Variants in CMPK2 observed in about 807,000 individuals in gnomAD.
CMPK2 encodes the protein UMP-CMP kinase 2, mitochondrial.
CMPK2 carries 32 observed loss-of-function variants against 33.4 expected under a neutral mutation model. The ratio of observed to expected loss-of-function variants is 0.96; its 90% CI spans 0.72 to 1.29. CMPK2 has a LOEUF of 1.29. Among genes scored for constraint, CMPK2 ranks in the 50% most tolerant of loss-of-function variants. The pLI is 0.00. For missense variants in CMPK2, 672 were observed against 616.0 expected (o/e 1.09, Z -0.96); for synonymous variants, 299 against 275.3 (o/e 1.09, Z -0.85).
chr2:6,861,472 C>A (rs1335486708), intron 2 of CMPK2, 87 bp from the exon 3 acceptor site: 2 of 959,978 alleles, frequency 2.1e-6, no homozygotes, highest in Non-Finnish European at 3.2e-6. Context: ...TTCTCTCAAA[C>A]TGCAAATGAA....
chr2:6,866,426 C>T (rs1296779532), upstream of CMPK2: 1 of 985,230 alleles, frequency 1.0e-6, no homozygotes, highest in Non-Finnish European at 1.2e-6. Context: ...ACACACTCAC[C>T]TGTGCACAAG....
In CMPK2 at chr2:6,849,544, C is replaced by A; in HGVS notation, c.*306G>T. 1 of 1,119,086 alleles carries A rather than the reference C, an allele frequency of 8.9e-7. No individual in the cohort carries two copies. Among genetic ancestry groups the A allele is most frequent in the Non-Finnish European group, 1.1e-6 (1 of 913,862 alleles). 69.3% of individuals were successfully genotyped at this position (1,119,086 alleles called of 1,614,324 possible). A position where few individuals can be genotyped will look rare whatever the true frequency, so the allele number is the denominator to read the frequency against. Reference sequence around the variant, plus strand: ...TACACCTGGTGCTGTCTGAGTAAGACAGGTCTTCCAGATATTTGGTAGTGA... The same window carrying A: ...TACACCTGGTGCTGTCTGAGTAAGAAAGGTCTTCCAGATATTTGGTAGTGA... On this transcript the variant is annotated 3_prime_UTR_variant, in exon 5 of 5. Coordinates refer to ENST00000256722, the MANE Select transcript of CMPK2 (RefSeq NM_207315.4).
chr2:6,840,758 G>T, intron 3 of CMPK2: 1 of 683,292 alleles, frequency 1.5e-6, no homozygotes, highest in Non-Finnish European at 2.7e-6. Context: ...CTAGTTCTTG[G>T]GGTTGGAATT....
At position 6,851,617 on chromosome 2, in the gene CMPK2, G is replaced by T. The variant is rs1268266555; in HGVS notation, c.1059C>A (p.Pro353=). The T allele has an allele frequency of 6.2e-7, 1 of 1,614,150 alleles. No individual in the cohort carries two copies. The highest frequency in any genetic ancestry group is 1.7e-5 in the Admixed American group (1 of 60,028). ...ACTGGTACACAGGGTGATGGGCTGGGGGCAGGTGCTGGAGACCCCCACTCA... is the reference window on the plus strand; with the variant it reads ...ACTGGTACACAGGGTGATGGGCTGGTGGCAGGTGCTGGAGACCCCCACTCA... ...TEVSGGLQHL[P]PAHHPVYQWP... is the part of the protein sequence containing the mutation. The change falls in exon 4 of 5, where the codon CCC becomes CCA. Residue 353 remains proline (P), a synonymous_variant. Coordinates refer to ENST00000256722, the MANE Select transcript of CMPK2 (RefSeq NM_207315.4).
intron 3 of CMPK2, among the ~76,000 whole-genome samples, chr2:6,857,274 A>G (rs1662732977): frequency 6.7e-6 from 1 of 149,702 alleles, no homozygotes; most frequent in Admixed American, 6.6e-5. Flanking sequence ...TCTTTCTTAT[A>G]GTATTTTTAA....
rs1213826547 is a variant in CMPK2 at position 6,849,787 on chromosome 2, TG to T, written c.*62del. The T allele has an allele frequency of 1.9e-6, 3 of 1,603,902 alleles. No homozygotes were observed. Among genetic ancestry groups the T allele is most frequent in the Non-Finnish European group, 2.5e-6 (3 of 1,177,052 alleles). ...AAATTTGGGAACACTGCATAACAAA[TG>T]GTGGATGTAGATGTTTCAAACAACA... On this transcript the variant is annotated 3_prime_UTR_variant, in exon 5 of 5. Transcript: ENST00000256722.
At chr2:6,860,011 T>A (rs1481731102) in intron 3 of CMPK2, among the ~76,000 whole-genome samples, 2 of 152,226 alleles carry the variant, frequency 1.3e-5, no homozygotes, top group Non-Finnish European at 2.9e-5. Flanking sequence ...ATCAGCACGA[T>A]CTGGACATGA....
chr2:6,861,425 C>A (rs750033188), intron 2 of CMPK2, 40 bp from the exon 3 acceptor site: 5 of 1,506,062 alleles, frequency 3.3e-6, no homozygotes, highest in Non-Finnish European at 4.6e-6. Flanking sequence ...TTAACCACAG[C>A]CCCAAAGTTA....
At chr2:6,861,615 G>C (rs1316212377) in intron 2 of CMPK2, among the ~76,000 whole-genome samples, 1 of 152,194 alleles carries the variant, frequency 6.6e-6, no homozygotes, top group Non-Finnish European at 1.5e-5. Context: ...TGGGAGTCTA[G>C]ACACAAGAGC....
chr2:6,853,386 C>G (rs527746816), intron 3 of CMPK2, among the ~76,000 whole-genome samples: 1 of 152,270 alleles, frequency 6.6e-6, no homozygotes, highest in Admixed American at 6.5e-5. Context: ...GTCCCCCGCC[C>G]CACCTGTTTT....
intron 1 of CMPK2, 92 bp from the exon 2 acceptor site, chr2:6,863,670 A>G (rs1471163681): frequency 5.9e-6 from 5 of 846,200 alleles, no homozygotes; most frequent in Non-Finnish European, 9.8e-6. Flanking sequence ...GCCGCATGCT[A>G]ATAAGGCCTA....
downstream of CMPK2, among the ~76,000 whole-genome samples, chr2:6,845,644 CA>C (rs1188571957): frequency 6.6e-6 from 1 of 152,136 alleles, no homozygotes; most frequent in Non-Finnish European, 1.5e-5. Context: ...AAAAGGCTCC[CA>C]AAGTACCCTA....
chr2:6,851,247 T>A (rs1270583447), intron 4 of CMPK2: 2 of 1,392,314 alleles, frequency 1.4e-6, no homozygotes, highest in African/African-American at 2.9e-5. Context: ...CCTAGTCCGA[T>A]GACCTTTGCT....
downstream of CMPK2, among the ~76,000 whole-genome samples, chr2:6,843,917 C>T (rs143430826): frequency 8.9e-4 from 136 of 152,270 alleles, no homozygotes; most frequent in Admixed American, 7.1e-3. Flanking sequence ...AACCAGGGAT[C>T]CTGGATAGTA....
intron 3 of CMPK2, among the ~76,000 whole-genome samples, chr2:6,854,184 A>G (rs768244848): frequency 1.3e-5 from 2 of 152,222 alleles, no homozygotes; most frequent in Non-Finnish European, 2.9e-5. Context: ...AATTTACACC[A>G]TGGTCAGCAC....
At chr2:6,846,542 C>G (rs1008041636), downstream of CMPK2, among the ~76,000 whole-genome samples, 2 of 152,196 alleles carry the variant, frequency 1.3e-5, no homozygotes, top group Middle Eastern at 3.2e-3. Context: ...AAAACACCCA[C>G]AACATTGCAT....
At chr2:6,860,629 A>G (rs935631558) in intron 3 of CMPK2, among the ~76,000 whole-genome samples, 1 of 152,198 alleles carries the variant, frequency 6.6e-6, no homozygotes, top group African/African-American at 2.4e-5. Context: ...ATGGAACTGT[A>G]AGTCCATTAA....
At chr2:6,852,913 G>A (rs1210183652) in intron 3 of CMPK2, among the ~76,000 whole-genome samples, 1 of 152,032 alleles carries the variant, frequency 6.6e-6, no homozygotes, top group African/African-American at 2.4e-5. Flanking sequence ...ATACCCAGGG[G>A]CCCCTCCTCA....
Position 6,849,372 on chromosome 2 carries a change from G to T in CMPK2, c.*478C>A, listed in dbSNP as rs546008830. 4.7e-5 allele frequency: 46 copies of T among 986,728 alleles called. No individual in the cohort carries two copies. The South Asian group carries it at 1.5e-3, about 33-fold the overall frequency. 61.1% of individuals were successfully genotyped at this position (986,728 alleles called of 1,614,324 possible). A position where few individuals can be genotyped will look rare whatever the true frequency, so the allele number is the denominator to read the frequency against. On this transcript the variant is annotated 3_prime_UTR_variant, in exon 5 of 5. Transcript: ENST00000256722. ...GGCTCTAGAATTTGGGACTGAGGGAGATGCAGCGAGCCCATCATGACGAGT... is the reference window on the plus strand; with the variant it reads ...GGCTCTAGAATTTGGGACTGAGGGATATGCAGCGAGCCCATCATGACGAGT...
Sources: gnomAD v4.1 joint callset for allele counts (sites outside exome capture counted in the v4.1 genomes callset) on GRCh38, gnomAD v4.1.1 for gene constraint, MANE v1.5 for transcripts, NCBI Gene and HGNC (gene_info 2026-07-23, HGNC 2026-07-21) for gene names.